The following DAG1 variants were observed in gnomAD, a reference collection of about 807,000 sequenced individuals.
DAG1 encodes the protein dystroglycan 1, also known as dystroglycan 1 (dystrophin-associated glycoprotein 1).
Under a neutral mutation model 46.1 loss-of-function variants are expected in DAG1, and 8 were observed. That is an observed-to-expected ratio of 0.17 (90% CI 0.10 to 0.31). The LOEUF (loss-of-function observed/expected upper bound fraction) is 0.31. Ranked by LOEUF, DAG1 falls within the 10% of genes least tolerant of loss-of-function variation. The pLI, the probability that DAG1 is intolerant of heterozygous loss-of-function variation, is 1.00. For synonymous variants in DAG1, 495 were observed against 481.8 expected, an observed-to-expected ratio of 1.03 and a Z score of -0.36; for missense variants, 1,003 against 1,189.9, an observed-to-expected ratio of 0.84 and a Z score of 2.31.
At position 49,509,890 on chromosome 3, in the gene DAG1, G is replaced by A. The variant is rs143741038; in HGVS notation, c.-116-529G>A. On this transcript the variant is annotated intron_variant, in intron 1 of 2. Coordinates refer to ENST00000308775, the MANE Select transcript of DAG1 (RefSeq NM_004393.6). ...ATTACAGGCACCCACCACCATGCCC[G>A]GCTAATTTTCATATTTTTAGTAGAG... is the stretch of plus-strand genomic sequence containing the variant. Among the ~76,000 whole-genome samples, 8 of 151,936 alleles carry A rather than the reference G, an allele frequency of 5.3e-5. No homozygotes were observed. In the East Asian group the frequency reaches 1.2e-3, roughly 22 times the overall value.
chr3:49,532,826 T>C lies in DAG1; in HGVS notation c.2315T>C (p.Met772Thr). ...AILLIAGIIA[M>T]ICYRKKRKGK... ...CTGCTCATTGCTGGCATCATTGCCA[T>C]GATCTGCTACCGCAAGAAGCGGAAG... is the stretch of plus-strand genomic sequence containing the variant. The change falls in exon 3 of 3, where the codon ATG (methionine) becomes ACG (threonine). Residue 772 changes from methionine (M) to threonine (T), a missense_variant. Met to Thr is a moderately conservative substitution (Grantham distance 81). Around this residue, in one of 3 missense-constraint regions of DAG1, gnomAD observed 755 missense variants for 854.1 expected, o/e 0.88. Transcript: ENST00000308775. The surrounding 1 kb of genome is among the most constrained non-coding windows in gnomAD (Gnocchi z 5.4). 1 of 1,614,118 alleles carries C rather than the reference T, an allele frequency of 6.2e-7. No individual in the cohort carries two copies. Among genetic ancestry groups the C allele is most frequent in the Non-Finnish European group, 8.5e-7 (1 of 1,180,014 alleles).
intron 1 of DAG1, among the ~76,000 whole-genome samples, chr3:49,472,524 A>T (rs1362770446): frequency 6.6e-6 from 1 of 152,078 alleles, no homozygotes; most frequent in Non-Finnish European, 1.5e-5. Context: ...TAAAAACTTT[A>T]TCGCCGGGCA....
At chr3:49,517,862 G>T (rs1023540669) in intron 2 of DAG1, among the ~76,000 whole-genome samples, 2 of 152,226 alleles carry the variant, frequency 1.3e-5, no homozygotes, top group African/African-American at 4.8e-5. Context: ...AGCAACAACG[G>T]TAAGACATGT....
At chr3:49,529,048 G>T (rs1047491315) in intron 2 of DAG1, among the ~76,000 whole-genome samples, 2 of 151,814 alleles carry the variant, frequency 1.3e-5, no homozygotes, top group Non-Finnish European at 2.9e-5. Context: ...ATGGGGTTTC[G>T]CCGTGTTGGC....
intron 2 of DAG1, among the ~76,000 whole-genome samples, chr3:49,517,532 C>T (rs1441635211): frequency 2.0e-5 from 3 of 152,144 alleles, no homozygotes; most frequent in East Asian, 1.9e-4. Flanking sequence ...TGTGATGAGA[C>T]GGGTTTGTAC....
In DAG1 at chr3:49,510,576, G is replaced by C. The variant is rs770996993; in HGVS notation, c.42G>C (p.Ser14=). 3.3e-5 allele frequency: 54 copies of C among 1,613,720 alleles called. No homozygotes were observed. In the South Asian group the frequency reaches 5.6e-4, roughly 17 times the overall value. ...GCCTCTCGCTGCTGCTGCCCCTCTCGGGGAGGACCTTTCTCCTCCTGCTCT... is the reference window on the plus strand; with the variant it reads ...GCCTCTCGCTGCTGCTGCCCCTCTCCGGGAGGACCTTTCTCCTCCTGCTCT... The part of the protein sequence containing the change: ...SVGLSLLLPL[S]GRTFLLLLSV... Residue 14 remains serine (S), a synonymous_variant, in exon 2 of 3, where the codon TCG becomes TCC. Coordinates refer to ENST00000308775, the MANE Select transcript of DAG1 (RefSeq NM_004393.6).
chr3:49,500,347 C>T (rs549833675), intron 1 of DAG1, among the ~76,000 whole-genome samples: 47 of 152,186 alleles, frequency 3.1e-4, no homozygotes, highest in Middle Eastern at 3.4e-3. Context: ...CTTGAGAGTC[C>T]CACATATCAC....
Position 49,510,621 on chromosome 3 carries a change from C to A in DAG1, c.87C>A (p.Ser29=), listed in dbSNP as rs759792042. The change falls in exon 2 of 3, where the codon TCC becomes TCA. Residue 29 remains serine (S), a synonymous_variant. Coordinates refer to ENST00000308775, the MANE Select transcript of DAG1 (RefSeq NM_004393.6). ...LLLLSVVMAQ[S]HWPSEPSEAV... is the part of the protein sequence containing the mutation. ...TGCTCTCTGTGGTTATGGCTCAGTC[C>A]CACTGGCCCAGTGAACCCTCAGAGG... 6.2e-7 allele frequency: 1 copy of A among 1,614,128 alleles called. No individual in the cohort carries two copies. The highest frequency in any genetic ancestry group is 8.5e-7 in the Non-Finnish European group (1 of 1,180,014).
chr3:49,527,387 G>GTA (rs2051204777), intron 2 of DAG1, among the ~76,000 whole-genome samples: 3 of 152,182 alleles, frequency 2.0e-5, no homozygotes, highest in Admixed American at 1.3e-4. Context: ...AGCCGGGCAC[G>GTA]GTGGCGGGCG....
At chr3:49,478,273 C>CAAAAAAAAAAAA (rs71278644) in intron 1 of DAG1, among the ~76,000 whole-genome samples, 1 of 90,006 alleles carries the variant, frequency 1.1e-5, no homozygotes, top group African/African-American at 4.8e-5. Context: ...GACTCTGTCT[C>CAAAAAAAAAAAA]AAAAAAAAAA....
intron 1 of DAG1, among the ~76,000 whole-genome samples, chr3:49,473,784 A>G (rs1025849522): frequency 4.6e-5 from 7 of 151,572 alleles, no homozygotes; most frequent in Non-Finnish European, 1.0e-4. Flanking sequence ...GGGTTTCACC[A>G]TGTTGGCCAG....
In DAG1 at chr3:49,532,184, G is replaced by A. The variant is rs746984955; in HGVS notation, c.1673G>A (p.Ser558Asn). ...TCCTGGGTACAGTTCAACAGCAACA[G>A]CCAGCTCATGTATGGCCTTCCCGAC... The part of the protein sequence containing the change: ...EKSWVQFNSN[S>N]QLMYGLPDSS... Residue 558 changes from serine to asparagine, a missense_variant, in exon 3 of 3, where the codon AGC becomes AAC. By Grantham distance (46) the Ser-to-Asn change is conservative. This residue lies in a region of DAG1 where 755 missense variants were observed against 854.1 expected (regional missense o/e 0.88). Transcript: ENST00000308775. This position sits in a 1 kb window ranked among gnomAD's most constrained non-coding sequence, Gnocchi z 5.4. The A allele has an allele frequency of 6.2e-7, 1 of 1,614,226 alleles. No individual in the cohort carries two copies. The highest frequency in any genetic ancestry group is 1.1e-5 in the South Asian group (1 of 91,084).
chr3:49,517,215 G>T (rs1214457451), intron 2 of DAG1, among the ~76,000 whole-genome samples: 4 of 151,700 alleles, frequency 2.6e-5, no homozygotes, highest in African/African-American at 9.7e-5. Flanking sequence ...GGATGGTCTC[G>T]ATCTCCTGAC....
rs760549124 is a variant in DAG1 at position 49,531,012 on chromosome 3, G to A, written c.501G>A (p.Val167=). ...AAGACCACAGTGAGCTGCAGTCGGT[G>A]AGGACAGCCTCCCCAGACCCTGGTG... is the stretch of plus-strand genomic sequence containing the variant. The part of the protein sequence containing the change: ...YPEDHSELQS[V]RTASPDPGEV... Residue 167 remains valine, a synonymous_variant, in exon 3 of 3, where the codon GTG becomes GTA. Coordinates refer to ENST00000308775, the MANE Select transcript of DAG1 (RefSeq NM_004393.6). This position sits in a 1 kb window ranked among gnomAD's most constrained non-coding sequence, Gnocchi z 7.0. The A allele has an allele frequency of 6.2e-7, 1 of 1,614,196 alleles. No individual in the cohort carries two copies. The highest frequency in any genetic ancestry group is 2.2e-5 in the East Asian group (1 of 44,888).
rs147831615 is a variant in DAG1, at chr3:49,533,146, C to T, written c.2635C>T (p.Arg879Cys). The change falls in exon 3 of 3, where the codon CGT (arginine) becomes TGT (cysteine). Residue 879 changes from arginine to cysteine, a missense_variant. Coordinates refer to ENST00000308775, the MANE Select transcript of DAG1 (RefSeq NM_004393.6). ...FTAPMEGKGS[R>C]PKNMTPYRSP... ...AGCACCCATGGAGGGCAAGGGCTCC[C>T]GTCCCAAGAACATGACCCCATACCG... The T allele has an allele frequency of 3.1e-6, 5 of 1,614,036 alleles. No individual in the cohort carries two copies. Among genetic ancestry groups the T allele is most frequent in the East Asian group, 2.2e-5 (1 of 44,888 alleles).
intron 1 of DAG1, among the ~76,000 whole-genome samples, chr3:49,501,752 T>G (rs964366119): frequency 6.7e-6 from 1 of 149,274 alleles, no homozygotes; most frequent in Non-Finnish European, 1.5e-5. Flanking sequence ...AGGCAGAGGT[T>G]GCAGTGAGCC....
At chr3:49,503,879 C>T (rs2050525126) in intron 1 of DAG1, among the ~76,000 whole-genome samples, 1 of 151,176 alleles carries the variant, frequency 6.6e-6, no homozygotes, top group Non-Finnish European at 1.5e-5. Context: ...GAGACAGAGT[C>T]TTACTGTGTC....
At chr3:49,476,302 G>T (rs527910577) in intron 1 of DAG1, among the ~76,000 whole-genome samples, 1 of 152,232 alleles carries the variant, frequency 6.6e-6, no homozygotes, top group South Asian at 2.1e-4. Context: ...TGGTGTTGAG[G>T]TTTTGGGCTG....
intron 1 of DAG1, among the ~76,000 whole-genome samples, chr3:49,474,912 T>A (rs2140269): frequency 1.3e-5 from 2 of 151,540 alleles, no homozygotes; most frequent in Non-Finnish European, 2.9e-5. Context: ...CCCAGGTTCA[T>A]GCCATTCTCC....
Sources: gnomAD v4.1 joint callset for allele counts (sites outside exome capture counted in the v4.1 genomes callset) on GRCh38, gnomAD v4.1.1 for gene constraint, gnomAD v4.1.1 regional missense constraint, Gnocchi (gnomAD v3.1) non-coding constraint, MANE v1.5 for transcripts, NCBI Gene and HGNC (gene_info 2026-07-23, HGNC 2026-07-21) for gene names.